The following STRBP variants were observed in gnomAD, a reference collection of about 807,000 sequenced individuals.
STRBP encodes spermatid perinuclear RNA binding protein, also known as spermatid perinuclear RNA-binding protein.
In STRBP, 13 loss-of-function variants were observed where a neutral mutation model predicts 80.1. That is an observed-to-expected ratio of 0.16 (90% CI 0.11 to 0.26). STRBP has a LOEUF of 0.26. Among genes scored for constraint, STRBP ranks in the 10% least tolerant of loss-of-function variants. STRBP has a pLI of 1.00. For missense variants in STRBP, 485 were observed against 815.2 expected, an observed-to-expected ratio of 0.59 and a Z score of 4.93; for synonymous variants, 284 against 291.2, an observed-to-expected ratio of 0.98 and a Z score of 0.25.
At chr9:123,240,785 G>A (rs1159813257) in intron 1 of STRBP, among the ~76,000 whole-genome samples, 1 of 152,110 alleles carries the variant, frequency 6.6e-6, no homozygotes, top group East Asian at 1.9e-4. Flanking sequence ...TTATAACTCT[G>A]TATAATGTCT....
chr9:123,208,000 G>T (rs947091099), intron 2 of STRBP, among the ~76,000 whole-genome samples: 4 of 152,130 alleles, frequency 2.6e-5, no homozygotes, highest in African/African-American at 7.2e-5. Context: ...TTAGCAAGAA[G>T]CTACTTTAGC....
chr9:123,147,117 T>G (rs2036844043), intron 12 of STRBP, 63 bp from the exon 13 acceptor site: 1 of 1,496,078 alleles, frequency 6.7e-7, no homozygotes, highest in Admixed American at 1.8e-5. Context: ...TTATGCGTTT[T>G]TGGGGTTCCT....
At chr9:123,263,482 A>G (rs1390019964) in intron 1 of STRBP, among the ~76,000 whole-genome samples, 6 of 140,192 alleles carry the variant, frequency 4.3e-5, no homozygotes, top group Non-Finnish European at 3.0e-5. Flanking sequence ...CTATGATCAC[A>G]CCACCACACT....
chr9:123,233,990 G>A (rs1336472004), intron 2 of STRBP, among the ~76,000 whole-genome samples: 2 of 152,032 alleles, frequency 1.3e-5, no homozygotes, highest in African/African-American at 4.8e-5. Context: ...CACGAGGTCA[G>A]GAGATTGAGA....
intron 2 of STRBP, among the ~76,000 whole-genome samples, chr9:123,200,561 T>C (rs1011485959): frequency 8.0e-5 from 12 of 150,178 alleles, no homozygotes; most frequent in Non-Finnish European, 1.8e-4. Flanking sequence ...CTGTTGGCAA[T>C]TTTTTTGTCT....
intron 1 of STRBP, among the ~76,000 whole-genome samples, chr9:123,245,428 C>T (rs1167178000): frequency 6.6e-6 from 1 of 152,188 alleles, no homozygotes; most frequent in Non-Finnish European, 1.5e-5. Context: ...CTCGCTCAGT[C>T]GCCCAGGCTG....
At chr9:123,163,431 A>T (rs2037611773) in intron 6 of STRBP, among the ~76,000 whole-genome samples, 1 of 152,230 alleles carries the variant, frequency 6.6e-6, no homozygotes, top group South Asian at 2.1e-4. Flanking sequence ...TATGAAAAAG[A>T]GATGAAAGGG....
intron 2 of STRBP, among the ~76,000 whole-genome samples, chr9:123,222,221 T>C (rs2040090211): frequency 2.6e-5 from 4 of 151,936 alleles, no homozygotes; most frequent in Admixed American, 2.6e-4. Context: ...TTTGTAATGT[T>C]CAAGTTGTCT....
At chr9:123,216,996 TC>T (rs2039920172) in intron 2 of STRBP, among the ~76,000 whole-genome samples, 1 of 152,276 alleles carries the variant, frequency 6.6e-6, no homozygotes, top group South Asian at 2.1e-4. Context: ...TTAAGTGCCC[TC>T]AAGTAAAAGA....
chr9:123,216,342 T>C (rs1342712908), intron 2 of STRBP, among the ~76,000 whole-genome samples: 2 of 152,226 alleles, frequency 1.3e-5, no homozygotes, highest in Non-Finnish European at 2.9e-5. Flanking sequence ...AATGCCTAGA[T>C]AGTAAGCTCT....
At chr9:123,254,441 C>T (rs1342745996) in intron 1 of STRBP, among the ~76,000 whole-genome samples, 2 of 134,748 alleles carry the variant, frequency 1.5e-5, no homozygotes, top group African/African-American at 2.7e-5. Flanking sequence ...AGCCTGATCA[C>T]GTGAGACTCC....
intron 2 of STRBP, among the ~76,000 whole-genome samples, chr9:123,205,462 G>A (rs1040718346): frequency 3.6e-4 from 55 of 152,274 alleles, no homozygotes; most frequent in South Asian, 1.2e-3. Flanking sequence ...GAATGGACAC[G>A]ATTATTTCTC....
intron 11 of STRBP, among the ~76,000 whole-genome samples, chr9:123,156,096 C>T (rs1187702846): frequency 6.6e-6 from 1 of 150,924 alleles, no homozygotes; most frequent in African/African-American, 2.4e-5. Flanking sequence ...AAAACTAAGT[C>T]ACATAATAGT....
At chr9:123,147,637 C>T in intron 12 of STRBP, 141 bp downstream of exon 12, 1 of 636,664 alleles carries the variant, frequency 1.6e-6, no homozygotes, top group Non-Finnish European at 2.5e-6. Flanking sequence ...GAGATCGCGC[C>T]ACTGCACTCC....
rs566626553 is a variant in STRBP at position 123,133,021 on chromosome 9, C to A, written c.1774-53G>T. The A allele has an allele frequency of 3.1e-6, 5 of 1,596,492 alleles. No individual in the cohort carries two copies. The East Asian group carries it at 6.7e-5, about 22-fold the overall frequency. On this transcript the variant is annotated intron_variant, in intron 16 of 18. Transcript: ENST00000348403. ...GAAAGAAATAAGAACCATTTTATTT[C>A]TTCTATCATCTCTTCAACGCACAAC...
chr9:123,190,765 G>C (rs2038895629), intron 2 of STRBP, among the ~76,000 whole-genome samples: 1 of 152,200 alleles, frequency 6.6e-6, no homozygotes, highest in South Asian at 2.1e-4. Context: ...AATATTTACT[G>C]TCAGTGAGCA....
intron 1 of STRBP, among the ~76,000 whole-genome samples, chr9:123,255,240 T>G (rs2041004926): frequency 6.6e-6 from 1 of 152,218 alleles, no homozygotes; most frequent in Middle Eastern, 3.2e-3. Context: ...AAAGAAATGT[T>G]TTGGCAACTA....
At chr9:123,147,289 C>G (rs1394585564) in intron 12 of STRBP, among the ~76,000 whole-genome samples, 2 of 151,998 alleles carry the variant, frequency 1.3e-5, no homozygotes, top group Admixed American at 6.5e-5. Context: ...TAAATGCATC[C>G]TAAGCAAAAA....
chr9:123,255,690 A>G (rs2041013332), intron 1 of STRBP, among the ~76,000 whole-genome samples: 1 of 152,242 alleles, frequency 6.6e-6, no homozygotes, highest in Admixed American at 6.5e-5. Context: ...TAGATCCAGC[A>G]ACTGAGTCTT....
Sources: allele counts gnomAD v4.1 joint callset (sites outside exome capture counted in the v4.1 genomes callset), GRCh38; gene constraint gnomAD v4.1.1; transcripts MANE v1.5; gene names NCBI Gene and HGNC (gene_info 2026-07-23, HGNC 2026-07-21).